Variants in PCDHA7 observed in about 807,000 individuals in gnomAD.
PCDHA7 encodes the protein protocadherin alpha 7.
A neutral mutation model predicts 57.2 loss-of-function variants in PCDHA7; 37 were observed. The observed-to-expected ratio is 0.65, with a 90% confidence interval of 0.50 to 0.85. PCDHA7 has a LOEUF of 0.85. Ranked by LOEUF, PCDHA7 falls within the 40% of genes least tolerant of loss-of-function variation. The pLI, the probability that PCDHA7 is intolerant of heterozygous loss-of-function variation, is 0.00. For synonymous variants in PCDHA7, 553 were observed against 558.8 expected (o/e 0.99, Z 0.15); for missense variants, 1,188 against 1,241.8 (o/e 0.96, Z 0.65).
At chr5:140,848,956 T>C in intron 1 of PCDHA7, 2 of 1,606,732 alleles carry the variant, frequency 1.2e-6, no homozygotes, top group Non-Finnish European at 1.7e-6. Flanking sequence ...CGGTTTCCAC[T>C]AGAGGGCGCG....
rs2150242433 is a variant in PCDHA7 at position 140,835,703 on chromosome 5, C to A, written c.1320C>A (p.Ser440Arg). 6.2e-6 allele frequency: 10 copies of A among 1,613,784 alleles called. No homozygotes were observed. Among genetic ancestry groups the A allele is most frequent in the Middle Eastern group, 1.6e-4 (1 of 6,064 alleles). Residue 440 changes from serine (S) to arginine (R), a missense_variant, in exon 1 of 4, where the codon AGC becomes AGA. Ser to Arg is a moderately radical substitution (Grantham distance 110). Around this residue, in one of 3 missense-constraint regions of PCDHA7, gnomAD observed 892 missense variants for 788.5 expected, o/e 1.13. Coordinates refer to ENST00000525929, the MANE Select transcript of PCDHA7 (RefSeq NM_018910.3). ...CGCCTTCTCTGTGGGCCACTGCTAG[C>A]GTGTCCGTGGAGGTGGCCGACGTGA... The part of the protein sequence containing the change: ...GGSPSLWATA[S>R]VSVEVADVND...
chr5:140,869,428 A>T, intron 1 of PCDHA7: 1 of 1,614,214 alleles, frequency 6.2e-7, no homozygotes, highest in Non-Finnish European at 8.5e-7. Context: ...CCTGGAGGTG[A>T]TCGTGGACAG....
rs782444703 is a variant in PCDHA7 at position 140,856,052 on chromosome 5, G to T, written c.2355+19314G>T. 12 of 1,585,178 alleles carry T rather than the reference G, an allele frequency of 7.6e-6. No individual in the cohort carries two copies. In the East Asian group the frequency reaches 2.5e-4, roughly 32 times the overall value. On this transcript the variant is annotated intron_variant, in intron 1 of 3. Transcript: ENST00000525929. The stretch of plus-strand genomic sequence containing the variant: ...TGTAAAACAAGAGAAGGATAAGATG[G>T]TTTCCAGATGTAGCTGCCTGGGGGT...
At position 140,929,224 on chromosome 5, in the gene PCDHA7, G is replaced by A. The variant is rs138816649; in HGVS notation, c.2356-49725G>A. 8.1e-6 allele frequency: 13 copies of A among 1,613,792 alleles called. No individual in the cohort carries two copies. In the African/African-American group the frequency reaches 1.5e-4, roughly 18 times the overall value. ...GCTGTTGCGTGGGGAGTACAATGCT[G>A]CCGACCTGCGAAATCTTGCCACTGG... On this transcript the variant is annotated intron_variant, in intron 1 of 3. Transcript: ENST00000525929.
intron 1 of PCDHA7, chr5:140,841,422 C>T: frequency 6.2e-7 from 1 of 1,612,994 alleles, no homozygotes; most frequent in East Asian, 2.2e-5. Context: ...CTCCACTACT[C>T]CGTCCCCGAG....
At chr5:140,890,596 C>T (rs1236261988) in intron 1 of PCDHA7, among the ~76,000 whole-genome samples, 5 of 152,064 alleles carry the variant, frequency 3.3e-5, no homozygotes, top group African/African-American at 1.2e-4. Context: ...AGCCCTTTTC[C>T]GAATAGCTAG....
chr5:140,992,845 C>T (rs2097530741), intron 3 of PCDHA7, among the ~76,000 whole-genome samples: 1 of 152,148 alleles, frequency 6.6e-6, no homozygotes, highest in African/African-American at 2.4e-5. Context: ...TTTTGTATAA[C>T]AACCAGTTTC....
At chr5:140,876,848 A>C (rs1562720449) in intron 1 of PCDHA7, 8 of 1,614,064 alleles carry the variant, frequency 5.0e-6, no homozygotes, top group Non-Finnish European at 5.1e-6. Flanking sequence ...GCGCAGCCCG[A>C]GTACACAGTG....
intron 1 of PCDHA7, chr5:140,969,328 T>C (rs2096319778): frequency 1.2e-6 from 2 of 1,614,124 alleles, no homozygotes; most frequent in Admixed American, 1.7e-5. Flanking sequence ...TTTCTCAAAA[T>C]GAGGTGAGAC....
intron 1 of PCDHA7, among the ~76,000 whole-genome samples, chr5:140,889,878 A>G (rs1456816812): frequency 6.6e-6 from 1 of 152,178 alleles, no homozygotes; most frequent in African/African-American, 2.4e-5. Flanking sequence ...GCCTGCCACC[A>G]TGTAAGAATT....
At chr5:140,896,071 A>G (rs551803461) in intron 1 of PCDHA7, among the ~76,000 whole-genome samples, 1 of 152,248 alleles carries the variant, frequency 6.6e-6, no homozygotes, top group African/African-American at 2.4e-5. Context: ...TCGGCCTCCC[A>G]ACATGCTGGG....
At chr5:141,001,811 C>T (rs1200900455) in intron 3 of PCDHA7, among the ~76,000 whole-genome samples, 1 of 152,128 alleles carries the variant, frequency 6.6e-6, no homozygotes, top group Non-Finnish European at 1.5e-5. Flanking sequence ...ATTCTACAAT[C>T]GGCCAAATTC....
intron 1 of PCDHA7, among the ~76,000 whole-genome samples, chr5:140,961,545 C>A (rs1486984950): frequency 6.6e-6 from 1 of 152,146 alleles, no homozygotes; most frequent in Non-Finnish European, 1.5e-5. Flanking sequence ...GTTCCTGCAG[C>A]ATTTCTTTTT....
chr5:140,847,746 C>A (rs145193370), intron 1 of PCDHA7: 2 of 149,840 alleles, frequency 1.3e-5, no homozygotes, highest in Non-Finnish European at 3.0e-5. Context: ...TTTCTCCCCA[C>A]GCAACACAAG....
intron 1 of PCDHA7, among the ~76,000 whole-genome samples, chr5:140,896,714 T>C (rs1554187081): frequency 6.6e-6 from 1 of 152,180 alleles, no homozygotes; most frequent in African/African-American, 2.4e-5. Flanking sequence ...TGTTTTTTGC[T>C]TGTTAATTTG....
intron 1 of PCDHA7, among the ~76,000 whole-genome samples, chr5:140,950,234 T>C (rs1423756424): frequency 1.3e-5 from 2 of 152,028 alleles, no homozygotes; most frequent in Non-Finnish European, 2.9e-5. Flanking sequence ...TCTAGTGCCA[T>C]TAATTTGTTC....
intron 1 of PCDHA7, chr5:140,870,860 C>G: frequency 6.2e-7 from 1 of 1,613,882 alleles, no homozygotes; most frequent in East Asian, 2.2e-5. Context: ...TCGGTGGGTG[C>G]GGGCCACGTG....
chr5:140,936,326 A>G (rs2090913771), intron 1 of PCDHA7, among the ~76,000 whole-genome samples: 1 of 152,138 alleles, frequency 6.6e-6, no homozygotes, highest in South Asian at 2.1e-4. Flanking sequence ...CATGCTATAA[A>G]TTTTCTCTAT....
intron 1 of PCDHA7, among the ~76,000 whole-genome samples, chr5:140,935,116 C>T (rs2090194943): frequency 6.6e-6 from 1 of 152,126 alleles, no homozygotes; most frequent in Non-Finnish European, 1.5e-5. Flanking sequence ...AGAGCTTTCA[C>T]TTATTTTTAG....
Sources: gnomAD v4.1 joint callset for allele counts (sites outside exome capture counted in the v4.1 genomes callset) on GRCh38, gnomAD v4.1.1 for gene constraint, gnomAD v4.1.1 regional missense constraint, MANE v1.5 for transcripts, NCBI Gene and HGNC (gene_info 2026-07-23, HGNC 2026-07-21) for gene names.